TLE2: variants seen among roughly 807,000 people sequenced by gnomAD.
TLE2 encodes the protein TLE family member 2, transcriptional corepressor.
A neutral mutation model predicts 97.2 loss-of-function variants in TLE2; 74 were observed. The observed-to-expected ratio is 0.76, with a 90% CI of 0.63 to 0.92. TLE2 has a LOEUF of 0.92. Among genes scored for constraint, TLE2 ranks in the 40% least tolerant of loss-of-function variants. TLE2 has a pLI of 0.00. For missense variants in TLE2, 1,038 were observed against 1,008.7 expected, an observed-to-expected ratio of 1.03 and a Z score of -0.39; for synonymous variants, 499 against 432.1, an observed-to-expected ratio of 1.15 and a Z score of -1.92.
chr19:3,001,135 T>C (rs1599191793), intron 18 of TLE2, among the ~76,000 whole-genome samples: 1 of 152,154 alleles, frequency 6.6e-6, no homozygotes, highest in African/African-American at 2.4e-5. Context: ...CAGCTGGGCA[T>C]TGTGGCAGGC....
chr19:3,011,509 G>A (rs909237236), intron 11 of TLE2, among the ~76,000 whole-genome samples: 1 of 146,172 alleles, frequency 6.8e-6, no homozygotes, highest in Non-Finnish European at 1.5e-5. Context: ...TCCAGCCTGG[G>A]AGACAGAGCG....
At position 3,028,385 on chromosome 19, in the gene TLE2, GAGA is replaced by G. The variant is rs1395822244; in HGVS notation, c.123-6_123-4del. On this transcript the variant is annotated splice_polypyrimidine_tract_variant and splice_region_variant and intron_variant, in intron 2 of 19. Transcript: ENST00000262953. ...GCTTCTCACATTCTAGCTTGAGGCT[GAGA>G]AGAAGAGAGAGGGCAAGGGGCTCCC... 3.7e-6 allele frequency: 6 copies of G among 1,600,388 alleles called. No individual in the cohort carries two copies. The highest frequency in any genetic ancestry group is 1.7e-5 in the Admixed American group (1 of 58,154).
At chr19:3,014,667 C>A (rs2089665167) in intron 9 of TLE2, 53 bp from the exon 10 acceptor site, 2 of 1,489,886 alleles carry the variant, frequency 1.3e-6, no homozygotes, top group Admixed American at 4.3e-5. Flanking sequence ...TGCCTCCACA[C>A]CCCCTATCCG....
chr19:3,041,027 T>A lies in TLE2; in HGVS notation c.63+4699A>T, dbSNP rs1453927124. ...TATATATATATATTTTTTTTTTTTT[T>A]TTTTTTTTTTTTTTTTTGAGACAGA... On this transcript the variant is annotated intron_variant, in intron 1 of 18. Coordinates refer to the TLE2 transcript ENST00000426948. Among the ~76,000 whole-genome samples, 6 of 88,638 alleles carry A rather than the reference T, an allele frequency of 6.8e-5. No individual in the cohort carries two copies. The East Asian group carries it at 8.7e-4, about 13-fold the overall frequency. 58.1% of individuals were successfully genotyped at this position (88,638 alleles called of 152,430 possible). A position where few individuals can be genotyped will look rare whatever the true frequency, so the allele number is the denominator to read the frequency against.
rs752041215 is a variant in TLE2, at chr19:3,002,446, T to C, written c.1954A>G (p.Ser652Gly). The C allele has an allele frequency of 6.0e-5, 96 of 1,610,126 alleles. No homozygotes were observed. Among genetic ancestry groups the C allele is most frequent in the Non-Finnish European group, 7.8e-5 (92 of 1,178,422 alleles). The change falls in exon 18 of 20, where the codon AGC (serine) becomes GGC (glycine). Residue 652 changes from serine to glycine, a missense_variant. By Grantham distance (56) the Ser-to-Gly change is moderately conservative. Transcript: ENST00000262953. ...CGGACGTGCAGGATCTCCACGTTGCTACTCTCCATTCCGACCGCCAGCCAG... is the reference window on the plus strand; with the variant it reads ...CGGACGTGCAGGATCTCCACGTTGCCACTCTCCATTCCGACCGCCAGCCAG... ...QDWLAVGMES[S>G]NVEILHVRKP...
intron 5 of TLE2, among the ~76,000 whole-genome samples, chr19:3,021,359 C>G (rs190394821): frequency 2.7e-5 from 4 of 150,424 alleles, no homozygotes; most frequent in Non-Finnish European, 5.9e-5. Context: ...GAGCCAAGAT[C>G]GTGCCATGCA....
intron 18 of TLE2, 103 bp downstream of exon 18, chr19:3,002,250 T>C: frequency 7.4e-7 from 1 of 1,352,238 alleles, no homozygotes; most frequent in South Asian, 1.5e-5. Context: ...AAACTTAGTA[T>C]ATAAATAACA....
intron 19 of TLE2, among the ~76,000 whole-genome samples, chr19:3,000,015 A>G (rs2089319437): frequency 1.3e-5 from 2 of 150,918 alleles, no homozygotes; most frequent in African/African-American, 2.4e-5. Flanking sequence ...CCTGGGAGAC[A>G]GAGCAAGATT....
chr19:3,021,860 G>A (rs754932139), intron 5 of TLE2, among the ~76,000 whole-genome samples: 2 of 152,090 alleles, frequency 1.3e-5, no homozygotes, highest in Non-Finnish European at 2.9e-5. Context: ...TGGTATTACA[G>A]GTGTGAGCCA....
intron 4 of TLE2, chr19:3,025,707 A>G (rs1975184): frequency 0.086 from 57,972 of 676,398 alleles, 3,508 homozygotes; most frequent in African/African-American, 0.27. Context: ...ATGGCCACGG[A>G]CTTTGCCTCT....
chr19:3,002,653 C>T, intron 17 of TLE2, 150 bp from the exon 18 acceptor site: 2 of 917,832 alleles, frequency 2.2e-6, no homozygotes, highest in Non-Finnish European at 3.2e-6. Flanking sequence ...ATCCTCCTGC[C>T]TCAGCACCAG....
chr19:3,003,887 G>C (rs2089419334), intron 17 of TLE2, among the ~76,000 whole-genome samples: 1 of 151,974 alleles, frequency 6.6e-6, no homozygotes, highest in Admixed American at 6.6e-5. Context: ...TTGTATTTTT[G>C]GTAGAGATGG....
intron 18 of TLE2, 43 bp from the exon 19 acceptor site, chr19:3,000,766 C>T (rs780941235): frequency 9.9e-5 from 148 of 1,501,024 alleles, no homozygotes; most frequent in Middle Eastern, 1.8e-4. Context: ...GGGGCACTAA[C>T]GAGAGACCCG....
rs368681053 is a variant in TLE2, at chr19:3,019,499, G to A, written c.370-36C>T. 590 of 1,486,720 alleles carry A rather than the reference G, an allele frequency of 4.0e-4. 4 individuals carry two copies. The African/African-American group carries it at 6.3e-3, about 16-fold the overall frequency. 92.1% of individuals were successfully genotyped at this position (1,486,720 alleles called of 1,614,324 possible). On this transcript the variant is annotated intron_variant, in intron 6 of 19. Transcript: ENST00000262953. This position sits in a 1 kb window ranked among gnomAD's most constrained non-coding sequence, Gnocchi z 5.1. ...GGAGGCAGGATGGGCCGGGGCGGGGGGCGGCAGGAGCCCAGCGGTCCCCAG... is the reference window on the plus strand; with the variant it reads ...GGAGGCAGGATGGGCCGGGGCGGGGAGCGGCAGGAGCCCAGCGGTCCCCAG...
chr19:2,998,236 AAT>A, intron 19 of TLE2, among the ~76,000 whole-genome samples: 1 of 85,178 alleles, frequency 1.2e-5, no homozygotes, highest in East Asian at 3.1e-4. Context: ...ACGCCCGGCC[AAT>A]GTGTGTGTGT....
intron 1 of TLE2, among the ~76,000 whole-genome samples, chr19:3,035,885 G>C (rs2090058721): frequency 8.5e-6 from 1 of 117,508 alleles, no homozygotes; most frequent in Admixed American, 9.5e-5. Flanking sequence ...GATTGGAGGA[G>C]GGGGGGCTAA....
rs1386732695 is a variant in TLE2, at chr19:2,997,831, G to A, written c.*17C>T. Reference sequence around the variant, plus strand: ...CCTGGGAGTCTGGACTTCGGGTACAGGAAGGGGGGTCATGTCTCAGTAGAC... The same window carrying A: ...CCTGGGAGTCTGGACTTCGGGTACAAGAAGGGGGGTCATGTCTCAGTAGAC... On this transcript the variant is annotated 3_prime_UTR_variant, in exon 20 of 20. Coordinates refer to ENST00000262953, the MANE Select transcript of TLE2 (RefSeq NM_003260.5). The A allele has an allele frequency of 6.3e-7, 1 of 1,576,134 alleles. No homozygotes were observed. Among genetic ancestry groups the A allele is most frequent in the South Asian group, 1.1e-5 (1 of 87,582 alleles).
intron 1 of TLE2, among the ~76,000 whole-genome samples, chr19:3,036,422 A>C (rs890639076): frequency 6.6e-6 from 1 of 151,556 alleles, no homozygotes; most frequent in Non-Finnish European, 1.5e-5. Flanking sequence ...ATTACAGCCC[A>C]TTGATCCGAC....
chr19:3,009,503 C>T, intron 13 of TLE2, 39 bp downstream of exon 13: 1 of 1,555,328 alleles, frequency 6.4e-7, no homozygotes, highest in Non-Finnish European at 8.7e-7. Flanking sequence ...AGCCCCTGGG[C>T]CCTGCTGACA....
Sources: allele counts gnomAD v4.1 joint callset (sites outside exome capture counted in the v4.1 genomes callset), GRCh38; gene constraint gnomAD v4.1.1; non-coding constraint Gnocchi (gnomAD v3.1); transcripts MANE v1.5; gene names NCBI Gene and HGNC (gene_info 2026-07-23, HGNC 2026-07-21).